Variants in DAB1 observed in about 807,000 individuals in gnomAD.
The protein encoded by DAB1 is disabled homolog 1.
In DAB1, 15 loss-of-function variants were observed where a neutral mutation model predicts 64.6. The ratio of observed to expected loss-of-function variants is 0.23; its 90% confidence interval spans 0.16 to 0.36. The LOEUF is 0.36. Ranked by LOEUF, DAB1 falls within the 10% of genes least tolerant of loss-of-function variation. The probability of loss-of-function intolerance (pLI) is 1.00; values close to 1 mark genes in which losing one functional copy is unlikely to be tolerated. For missense variants in DAB1, 596 were observed against 706.7 expected, an observed-to-expected ratio of 0.84 and a Z score of 1.78; for synonymous variants, 235 against 251.9, an observed-to-expected ratio of 0.93 and a Z score of 0.64.
At chr1:57,441,310 CTT>C (rs57123045) in intron 7 of DAB1, among the ~76,000 whole-genome samples, 16,854 of 72,512 alleles carry the variant, frequency 0.23, 1,140 homozygotes, top group Non-Finnish European at 0.27. Context: ...TTCTTTCTTT[CTT>C]TCTTTCTTCT....
chr1:57,072,476 A>C, intron 4 of DAB1, 62 bp from the exon 5 acceptor site: 1 of 1,580,592 alleles, frequency 6.3e-7, no homozygotes, highest in Non-Finnish European at 8.6e-7. Context: ...CTGTTGATCA[A>C]TAAGAAATGT....
At chr1:57,249,558 G>C (rs535141110) in intron 2 of DAB1, among the ~76,000 whole-genome samples, 5 of 152,228 alleles carry the variant, frequency 3.3e-5, no homozygotes, top group Admixed American at 2.0e-4. Flanking sequence ...TTTTGGTAGA[G>C]ATGGGGTTTC....
chr1:57,469,708 G>C (rs1687075810), intron 7 of DAB1, among the ~76,000 whole-genome samples: 1 of 152,102 alleles, frequency 6.6e-6, no homozygotes, highest in Non-Finnish European at 1.5e-5. Context: ...ATTCCTATCA[G>C]TACATCAACT....
chr1:57,721,367 G>C (rs146568335), intron 6 of DAB1, among the ~76,000 whole-genome samples: 3 of 152,316 alleles, frequency 2.0e-5, no homozygotes, highest in African/African-American at 7.2e-5. Context: ...AGGTGGATCT[G>C]ATAAATAAGA....
chr1:58,491,859 G>C (rs1179162782), intron 3 of DAB1, among the ~76,000 whole-genome samples: 1 of 152,158 alleles, frequency 6.6e-6, no homozygotes, highest in Non-Finnish European at 1.5e-5. Flanking sequence ...AGATCAATGA[G>C]ACAAAAAGTT....
At chr1:57,401,428 G>A (rs1018840504) in intron 1 of DAB1, among the ~76,000 whole-genome samples, 2 of 152,132 alleles carry the variant, frequency 1.3e-5, no homozygotes, top group Admixed American at 1.3e-4. Flanking sequence ...TTACAGGCTG[G>A]TAGGAAGGCA....
chr1:57,521,624 C>T (rs1479209363), intron 7 of DAB1, among the ~76,000 whole-genome samples: 3 of 152,164 alleles, frequency 2.0e-5, no homozygotes, highest in Non-Finnish European at 4.4e-5. Flanking sequence ...TCTTCATTCC[C>T]TCCCAAAACA....
chr1:57,289,874 GT>G (rs1672629551), intron 2 of DAB1, among the ~76,000 whole-genome samples: 1 of 142,972 alleles, frequency 7.0e-6, no homozygotes, highest in African/African-American at 2.5e-5. Context: ...AGAGAAAGAA[GT>G]TGCTCATATT....
At chr1:57,808,220 CACAT>C (rs1490913416) in intron 6 of DAB1, among the ~76,000 whole-genome samples, 3 of 151,976 alleles carry the variant, frequency 2.0e-5, no homozygotes, top group Non-Finnish European at 2.9e-5. Context: ...CACACACACA[CACAT>C]ACCCCTGAGC....
intron 4 of DAB1, among the ~76,000 whole-genome samples, chr1:57,135,586 AT>A (rs1658012028): frequency 6.6e-6 from 1 of 152,188 alleles, no homozygotes; most frequent in Non-Finnish European, 1.5e-5. Flanking sequence ...TATCCATTCT[AT>A]TACTAGTTAT....
chr1:58,324,913 C>T (rs1051888720), intron 4 of DAB1, among the ~76,000 whole-genome samples: 4 of 152,190 alleles, frequency 2.6e-5, no homozygotes, highest in African/African-American at 9.7e-5. Context: ...AGCCAATACC[C>T]GGCACAGATG....
chr1:57,915,338 T>C (rs899157134), intron 5 of DAB1, among the ~76,000 whole-genome samples: 5 of 152,268 alleles, frequency 3.3e-5, no homozygotes, highest in Middle Eastern at 3.4e-3. Flanking sequence ...TATAGAGAGA[T>C]ATTTCTCAGA....
At chr1:58,334,172 C>T (rs1414886111) in intron 4 of DAB1, among the ~76,000 whole-genome samples, 1 of 152,118 alleles carries the variant, frequency 6.6e-6, no homozygotes. Context: ...TTGTCATATC[C>T]AATCAGGAGT....
At chr1:58,228,806 G>T (rs1290704009) in intron 4 of DAB1, 4 of 734,510 alleles carry the variant, frequency 5.4e-6, no homozygotes, top group Non-Finnish European at 4.7e-6. Flanking sequence ...CAAAGAACAG[G>T]ATCCAGTCCA....
At chr1:57,803,970 G>A (rs1459452693) in intron 6 of DAB1, among the ~76,000 whole-genome samples, 1 of 152,172 alleles carries the variant, frequency 6.6e-6, no homozygotes, top group African/African-American at 2.4e-5. Context: ...TGTAAAAAAG[G>A]TGATTGTTGT....
chr1:58,363,807 T>G (rs757055646), intron 3 of DAB1, among the ~76,000 whole-genome samples: 1 of 152,230 alleles, frequency 6.6e-6, no homozygotes, highest in African/African-American at 2.4e-5. Context: ...ACATCCAGCT[T>G]CCTCTTGCCC....
intron 4 of DAB1, among the ~76,000 whole-genome samples, chr1:58,227,351 G>A (rs1659546281): frequency 6.6e-6 from 1 of 152,166 alleles, no homozygotes; most frequent in South Asian, 2.1e-4. Flanking sequence ...ACTCCAGTGG[G>A]CATTGAAGAC....
At chr1:58,514,245 T>C (rs991237358) in intron 2 of DAB1, among the ~76,000 whole-genome samples, 1 of 152,158 alleles carries the variant, frequency 6.6e-6, no homozygotes, top group African/African-American at 2.4e-5. Context: ...GAGAAAGAAT[T>C]TGCTACTATT....
At position 57,973,809 on chromosome 1, in the gene DAB1, C is replaced by T. The variant is rs183546147; in HGVS notation, n.388-89647G>A. Among the ~76,000 whole-genome samples the T allele has an allele frequency of 3.9e-3, 595 of 152,218 alleles. 4 individuals carry two copies. Among genetic ancestry groups the T allele is most frequent in the Non-Finnish European group, 3.4e-3 (234 of 68,006 alleles). On this transcript the variant is annotated intron_variant and non_coding_transcript_variant, in intron 5 of 20. Coordinates refer to the DAB1 transcript ENST00000485760. ...TTTCCCAGACTTTTATATTAGCCTC[C>T]AAGCAGTCTCTGTCACCATCACCAT... is the stretch of plus-strand genomic sequence containing the variant.
Sources: gnomAD v4.1 joint callset for allele counts (sites outside exome capture counted in the v4.1 genomes callset) on GRCh38, gnomAD v4.1.1 for gene constraint, MANE v1.5 for transcripts, NCBI Gene and HGNC (gene_info 2026-07-23, HGNC 2026-07-21) for gene names.